Variants in TMEM108 observed in about 807,000 individuals in gnomAD.
TMEM108 encodes cancer/testis antigen 124.
TMEM108 carries 12 observed loss-of-function variants against 35.1 expected under a neutral mutation model. That is an observed-to-expected ratio of 0.34 (90% confidence interval 0.22 to 0.55). TMEM108 has a LOEUF of 0.55. Ranked by LOEUF, TMEM108 falls within the 20% of genes least tolerant of loss-of-function variation. The pLI is 0.89. For missense variants in TMEM108, 680 were observed against 753.3 expected, an observed-to-expected ratio of 0.90 and a Z score of 1.14; for synonymous variants, 287 against 308.6, an observed-to-expected ratio of 0.93 and a Z score of 0.73.
At chr3:133,178,512 A>G (rs906976410) in intron 2 of TMEM108, among the ~76,000 whole-genome samples, 7 of 151,956 alleles carry the variant, frequency 4.6e-5, no homozygotes, top group African/African-American at 1.4e-4. Context: ...CCGCATATCT[A>G]CAACCATCTG....
At chr3:133,081,738 A>C (rs978601615) in intron 2 of TMEM108, among the ~76,000 whole-genome samples, 1 of 152,218 alleles carries the variant, frequency 6.6e-6, no homozygotes, top group Non-Finnish European at 1.5e-5. Context: ...CAAAAGATCT[A>C]TTGGGGAAAG....
chr3:133,107,177 A>G (rs1944162647), intron 2 of TMEM108, among the ~76,000 whole-genome samples: 1 of 152,148 alleles, frequency 6.6e-6, no homozygotes, highest in African/African-American at 2.4e-5. Flanking sequence ...AATTAACTGA[A>G]TTCTATGTCA....
In TMEM108 at chr3:133,194,162, C is replaced by G. The variant is rs1576373988; in HGVS notation, c.-46-35104C>G. Among the ~76,000 whole-genome samples the G allele has an allele frequency of 2.0e-5, 3 of 152,210 alleles. No homozygotes were observed. The East Asian group carries it at 5.8e-4, about 29-fold the overall frequency. On this transcript the variant is annotated intron_variant, in intron 2 of 5. Transcript: ENST00000321871. ...ATATTGGTCAGGCTAGTCTTGAACT[C>G]CTGACCTCGTGATCCGCCCGCCTCA...
At chr3:133,144,162 C>T (rs1249993302) in intron 2 of TMEM108, among the ~76,000 whole-genome samples, 2 of 151,988 alleles carry the variant, frequency 1.3e-5, no homozygotes, top group South Asian at 2.1e-4. Context: ...GTGATGTTCC[C>T]CTCCCTGTGT....
In TMEM108 at chr3:133,342,555, T is replaced by TATATATATATATATATATATATAC. The variant is rs60991711; in HGVS notation, c.41-37196_41-37195insTATATATATATATATATATATACA. ...AAAAAGAAAATGTGGTATATATATA[T>TATATATATATATATATATATATAC]ACACACACACACACAATGGAGTACT... On this transcript the variant is annotated intron_variant, in intron 3 of 5. Coordinates refer to ENST00000321871, the MANE Select transcript of TMEM108 (RefSeq NM_023943.4). 1.9e-3 allele frequency among the ~76,000 whole-genome samples: 119 copies of TATATATATATATATATATATATAC among 63,414 alleles called. 3 individuals carry two copies. The highest frequency in any genetic ancestry group is 3.0e-3 in the Non-Finnish European group (81 of 27,276). 41.6% of individuals were successfully genotyped at this position (63,414 alleles called of 152,430 possible). A position where few individuals can be genotyped will look rare whatever the true frequency, so the allele number is the denominator to read the frequency against.
chr3:133,198,945 G>A (rs1489862165), intron 2 of TMEM108, among the ~76,000 whole-genome samples: 1 of 152,002 alleles, frequency 6.6e-6, no homozygotes, highest in Non-Finnish European at 1.5e-5. Flanking sequence ...ACGTAGATTT[G>A]GTCTTTTCAC....
chr3:133,220,267 A>C (rs989144451), intron 2 of TMEM108, among the ~76,000 whole-genome samples: 8 of 151,148 alleles, frequency 5.3e-5, no homozygotes, highest in Non-Finnish European at 1.0e-4. Flanking sequence ...CTTTTTTATT[A>C]TTATTCATCC....
intron 3 of TMEM108, among the ~76,000 whole-genome samples, chr3:133,375,100 T>C (rs1368973833): frequency 1.3e-5 from 2 of 152,258 alleles, no homozygotes; most frequent in Non-Finnish European, 2.9e-5. Context: ...GAATTAAATA[T>C]GTCAGTACAG....
At chr3:133,041,184 T>C (rs1943271212) in intron 1 of TMEM108, among the ~76,000 whole-genome samples, 1 of 152,216 alleles carries the variant, frequency 6.6e-6, no homozygotes, top group South Asian at 2.1e-4. Context: ...CAGAGCTGCC[T>C]CATTGGCTAG....
chr3:133,044,042 T>C (rs1287706143), intron 1 of TMEM108, among the ~76,000 whole-genome samples: 1 of 152,232 alleles, frequency 6.6e-6, no homozygotes, highest in Non-Finnish European at 1.5e-5. Flanking sequence ...TTTGGTGCCA[T>C]GGTGACCCAT....
chr3:133,288,475 T>TGAATA (rs1947016271), intron 3 of TMEM108, among the ~76,000 whole-genome samples: 1 of 151,890 alleles, frequency 6.6e-6, no homozygotes, highest in Non-Finnish European at 1.5e-5. Context: ...CATGGGGGGG[T>TGAATA]GAATAGAAGT....
At chr3:133,328,552 T>C (rs971590872) in intron 3 of TMEM108, among the ~76,000 whole-genome samples, 3 of 152,172 alleles carry the variant, frequency 2.0e-5, no homozygotes, top group African/African-American at 7.2e-5. Context: ...GTGTCTTCCC[T>C]CTCTATCACT....
At chr3:133,084,348 A>G (rs917772506) in intron 2 of TMEM108, among the ~76,000 whole-genome samples, 24 of 152,210 alleles carry the variant, frequency 1.6e-4, no homozygotes, top group African/African-American at 4.8e-4. Context: ...AACAATCAGT[A>G]TTAGACTTAT....
intron 3 of TMEM108, among the ~76,000 whole-genome samples, chr3:133,299,407 A>T (rs1947188198): frequency 1.3e-5 from 2 of 152,236 alleles, no homozygotes; most frequent in Middle Eastern, 3.4e-3. Context: ...GAATTTCTGT[A>T]TAGACGGGGT....
intron 3 of TMEM108, among the ~76,000 whole-genome samples, chr3:133,308,227 C>A (rs916029467): frequency 1.3e-5 from 2 of 152,148 alleles, no homozygotes; most frequent in African/African-American, 2.4e-5. Context: ...TGAGACTTTG[C>A]TGAAGTTGCT....
At chr3:133,391,519 G>A (rs138788041) in intron 5 of TMEM108, among the ~76,000 whole-genome samples, 17 of 152,262 alleles carry the variant, frequency 1.1e-4, no homozygotes, top group Non-Finnish European at 1.6e-4. Context: ...TCAAAGTCTT[G>A]TATAGGACCT....
At chr3:133,117,278 C>T (rs1050968604) in intron 2 of TMEM108, among the ~76,000 whole-genome samples, 2 of 152,116 alleles carry the variant, frequency 1.3e-5, no homozygotes, top group Non-Finnish European at 2.9e-5. Context: ...GATCTAGTGG[C>T]TTTTCATAGG....
At chr3:133,190,726 G>A (rs2107813860) in intron 2 of TMEM108, among the ~76,000 whole-genome samples, 1 of 152,288 alleles carries the variant, frequency 6.6e-6, no homozygotes, top group African/African-American at 2.4e-5. Context: ...AGCAGGTCAG[G>A]GGCTGGGTAC....
intron 3 of TMEM108, among the ~76,000 whole-genome samples, chr3:133,311,658 A>G (rs1294819309): frequency 1.3e-5 from 2 of 152,180 alleles, no homozygotes; most frequent in African/African-American, 2.4e-5. Flanking sequence ...GGGTTAGAAC[A>G]TGCTCCTTTA....
Sources: gnomAD v4.1 joint callset for allele counts (sites outside exome capture counted in the v4.1 genomes callset) on GRCh38, gnomAD v4.1.1 for gene constraint, MANE v1.5 for transcripts, NCBI Gene and HGNC (gene_info 2026-07-23, HGNC 2026-07-21) for gene names.